Variants in MACROD2 observed in about 807,000 individuals in gnomAD.
MACROD2 encodes mono-ADP ribosylhydrolase 2, also known as ADP-ribose glycohydrolase MACROD2.
In MACROD2, 36 loss-of-function variants were observed where a neutral mutation model predicts 70.4. The observed-to-expected ratio is 0.51, with a 90% CI of 0.39 to 0.68. The LOEUF (loss-of-function observed/expected upper bound fraction) is 0.68. MACROD2 is among the 30% of genes least tolerant of loss of function. MACROD2 has a pLI of 0.00. For missense variants in MACROD2, 496 were observed against 538.4 expected (o/e 0.92, Z 0.78); for synonymous variants, 172 against 178.8 (o/e 0.96, Z 0.30).
At chr20:14,045,757 A>G (rs2053463707) in intron 2 of MACROD2, among the ~76,000 whole-genome samples, 1 of 148,154 alleles carries the variant, frequency 6.7e-6, no homozygotes, top group Admixed American at 6.9e-5. Flanking sequence ...AAATGTTTCA[A>G]AAGAATTAAA....
intron 3 of MACROD2, among the ~76,000 whole-genome samples, chr20:14,377,830 TA>T (rs1434272004): frequency 2.0e-5 from 3 of 152,328 alleles, no homozygotes; most frequent in African/African-American, 7.2e-5. Flanking sequence ...ACATATAAAG[TA>T]CCATGTCAAA....
At chr20:15,893,056 A>T (rs1189608506) in intron 10 of MACROD2, 1 of 398,904 alleles carries the variant, frequency 2.5e-6, no homozygotes, top group Non-Finnish European at 4.4e-6. Flanking sequence ...CCATGAAAAG[A>T]AACATATTTA....
chr20:14,284,492 G>A (rs142974496), intron 3 of MACROD2, among the ~76,000 whole-genome samples: 2 of 152,270 alleles, frequency 1.3e-5, no homozygotes, highest in African/African-American at 4.8e-5. Context: ...TGAAAACTCA[G>A]CATGTGGATT....
intron 6 of MACROD2, among the ~76,000 whole-genome samples, chr20:15,420,028 C>A (rs1045248887): frequency 4.6e-5 from 7 of 152,210 alleles, no homozygotes; most frequent in African/African-American, 1.4e-4. Flanking sequence ...GAACAGGATG[C>A]ACATTCTCTT....
intron 4 of MACROD2, among the ~76,000 whole-genome samples, chr20:14,496,303 T>C (rs1241678270): frequency 2.0e-5 from 3 of 152,202 alleles, no homozygotes; most frequent in African/African-American, 7.2e-5. Flanking sequence ...ACAAAAATAA[T>C]AATGGGACCT....
chr20:15,044,559 T>C (rs531220081), intron 5 of MACROD2, among the ~76,000 whole-genome samples: 16 of 152,276 alleles, frequency 1.1e-4, no homozygotes, highest in African/African-American at 3.8e-4. Flanking sequence ...TGGACTTCTC[T>C]GCCTTCTGGC....
chr20:14,198,680 A>G (rs1431837518), intron 3 of MACROD2, among the ~76,000 whole-genome samples: 4 of 152,234 alleles, frequency 2.6e-5, no homozygotes, highest in South Asian at 2.1e-4. Flanking sequence ...ACAATAATCA[A>G]TCTCTCTCCC....
At chr20:15,341,156 A>T (rs1238144024) in intron 6 of MACROD2, among the ~76,000 whole-genome samples, 2 of 152,168 alleles carry the variant, frequency 1.3e-5, no homozygotes, top group Admixed American at 1.3e-4. Flanking sequence ...CCTCACATCC[A>T]CACTCATTCA....
At chr20:15,185,364 T>A (rs1468207706) in intron 5 of MACROD2, among the ~76,000 whole-genome samples, 1 of 152,214 alleles carries the variant, frequency 6.6e-6, no homozygotes, top group East Asian at 1.9e-4. Flanking sequence ...GGTGGCTCAT[T>A]CTATGATTTC....
chr20:14,159,892 G>A (rs1366875915), intron 3 of MACROD2, among the ~76,000 whole-genome samples: 1 of 152,116 alleles, frequency 6.6e-6, no homozygotes, highest in African/African-American at 2.4e-5. Context: ...ATTGAGTTGT[G>A]TTCTTCTATG....
chr20:15,032,870 C>A (rs1479676556), intron 5 of MACROD2, among the ~76,000 whole-genome samples: 1 of 152,140 alleles, frequency 6.6e-6, no homozygotes, highest in East Asian at 1.9e-4. Flanking sequence ...TGTAGTATAT[C>A]CATAAGACAG....
At chr20:14,070,478 C>T (rs376429018) in intron 2 of MACROD2, among the ~76,000 whole-genome samples, 423 of 152,114 alleles carry the variant, frequency 2.8e-3, no homozygotes, top group Middle Eastern at 0.014. Flanking sequence ...AACCTCTTAC[C>T]GAACCCAAAA....
chr20:14,411,813 T>G (rs2083752979), intron 3 of MACROD2, among the ~76,000 whole-genome samples: 2 of 152,100 alleles, frequency 1.3e-5, no homozygotes, highest in African/African-American at 4.8e-5. Context: ...CTATTTACCA[T>G]AGACTGCGAT....
chr20:14,267,915 G>GA (rs1408209362), intron 3 of MACROD2, among the ~76,000 whole-genome samples: 1 of 151,774 alleles, frequency 6.6e-6, no homozygotes, highest in Admixed American at 6.6e-5. Context: ...CTTAAAGCCA[G>GA]AAAAAAGAAA....
chr20:15,934,700 TTTG>T (rs2065631547), intron 11 of MACROD2, among the ~76,000 whole-genome samples: 1 of 152,036 alleles, frequency 6.6e-6, no homozygotes, highest in African/African-American at 2.4e-5. Flanking sequence ...TTTGTTTTGT[TTTG>T]TTTTGTTTTT....
At chr20:14,578,387 T>C (rs1390038131) in intron 4 of MACROD2, among the ~76,000 whole-genome samples, 1 of 152,146 alleles carries the variant, frequency 6.6e-6, no homozygotes, top group African/African-American at 2.4e-5. Context: ...CTTTATTTTG[T>C]ATATTGTAGG....
chr20:15,532,139 C>A (rs1229152791), intron 8 of MACROD2, among the ~76,000 whole-genome samples: 2 of 151,936 alleles, frequency 1.3e-5, no homozygotes, highest in African/African-American at 4.8e-5. Flanking sequence ...TTTAAATGGG[C>A]AGATCTAGTG....
intron 3 of MACROD2, among the ~76,000 whole-genome samples, chr20:14,432,128 T>C (rs2084001442): frequency 6.6e-6 from 1 of 152,176 alleles, no homozygotes. Flanking sequence ...TACAGGGCCT[T>C]CTATGATGTG....
intron 8 of MACROD2, among the ~76,000 whole-genome samples, chr20:15,713,991 A>ACG (rs1555868661): frequency 8.5e-6 from 1 of 117,014 alleles, no homozygotes; most frequent in Non-Finnish European, 1.6e-5. Flanking sequence ...ACATATGCAC[A>ACG]CACACACACA....
Sources: gnomAD v4.1 joint callset for allele counts (sites outside exome capture counted in the v4.1 genomes callset) on GRCh38, gnomAD v4.1.1 for gene constraint, MANE v1.5 for transcripts, NCBI Gene and HGNC (gene_info 2026-07-23, HGNC 2026-07-21) for gene names.